The following ECPAS variants were observed in gnomAD, a reference collection of about 807,000 sequenced individuals.
ECPAS encodes the protein proteasome adapter and scaffold protein ECM29.
ECPAS carries 70 observed loss-of-function variants against 255.1 expected under a neutral mutation model. The observed-to-expected ratio is 0.27, with a 90% CI of 0.23 to 0.33. The LOEUF is 0.33. ECPAS is among the 10% of genes least tolerant of loss of function. The pLI is 1.00. For missense variants in ECPAS, 1,817 were observed against 2,206.4 expected, an observed-to-expected ratio of 0.82 and a Z score of 3.54; for synonymous variants, 784 against 775.0, an observed-to-expected ratio of 1.01 and a Z score of -0.19.
chr9:111,424,296 A>G (rs1415545204), intron 12 of ECPAS, among the ~76,000 whole-genome samples: 1 of 152,236 alleles, frequency 6.6e-6, no homozygotes, highest in Non-Finnish European at 1.5e-5. Flanking sequence ...AGATTAACTC[A>G]TTCAATCTTC....
intron 7 of ECPAS, among the ~76,000 whole-genome samples, chr9:111,433,600 C>G (rs1389600314): frequency 2.6e-5 from 4 of 152,062 alleles, no homozygotes; most frequent in African/African-American, 9.7e-5. Flanking sequence ...CATTTTTTAG[C>G]TAAAAATACC....
intron 13 of ECPAS, 86 bp from the exon 14 acceptor site, chr9:111,422,286 C>G: frequency 7.3e-7 from 1 of 1,363,696 alleles, no homozygotes; most frequent in Non-Finnish European, 1.0e-6. Flanking sequence ...ACAAATTTTC[C>G]TGAACTCTCT....
chr9:111,457,268 C>A (rs1589223264), intron 2 of ECPAS, among the ~76,000 whole-genome samples: 2 of 152,136 alleles, frequency 1.3e-5, no homozygotes, highest in African/African-American at 4.8e-5. Flanking sequence ...TCTTTAGAAA[C>A]TTTTAGTTAT....
intron 36 of ECPAS, among the ~76,000 whole-genome samples, chr9:111,378,305 G>T (rs368728315): frequency 1.3e-4 from 20 of 152,272 alleles, no homozygotes; most frequent in African/African-American, 4.8e-4. Flanking sequence ...GACTCTGAAG[G>T]TATAGATCCA....
intron 1 of ECPAS, among the ~76,000 whole-genome samples, chr9:111,480,429 C>A (rs2098303045): frequency 6.6e-6 from 1 of 151,378 alleles, no homozygotes; most frequent in East Asian, 1.9e-4. Context: ...TCCTGAGTAC[C>A]TGGGACTACA....
rs1056220581 is a variant in ECPAS at position 111,361,993 on chromosome 9, A to T, written c.*37T>A. ...AAGAACACCACCACTTCAACCCCCAATGAACATGGCACTTGTTTGTTTCTT... is the reference window on the plus strand; with the variant it reads ...AAGAACACCACCACTTCAACCCCCATTGAACATGGCACTTGTTTGTTTCTT... On this transcript the variant is annotated 3_prime_UTR_variant, in exon 50 of 50. Coordinates refer to ENST00000684092, the MANE Select transcript of ECPAS (RefSeq NM_001364929.1). 2 of 1,605,524 alleles carry T rather than the reference A, an allele frequency of 1.2e-6. No homozygotes were observed. Among genetic ancestry groups the T allele is most frequent in the East Asian group, 4.5e-5 (2 of 44,690 alleles).
chr9:111,379,785 T>C (rs1385809531), intron 35 of ECPAS, among the ~76,000 whole-genome samples: 1 of 152,248 alleles, frequency 6.6e-6, no homozygotes, highest in African/African-American at 2.4e-5. Flanking sequence ...TTGCATCTCA[T>C]GAAACCACTT....
At chr9:111,430,387 T>C (rs944175941) in intron 9 of ECPAS, among the ~76,000 whole-genome samples, 160 bp downstream of exon 9, 8 of 152,370 alleles carry the variant, frequency 5.3e-5, no homozygotes, top group African/African-American at 1.9e-4. Context: ...TAAACTAAAT[T>C]ACCAGGTTTT....
chr9:111,483,625 C>T (rs965109677), intron 1 of ECPAS: 2 of 256,822 alleles, frequency 7.8e-6, no homozygotes, highest in Admixed American at 1.3e-4. Context: ...GCGGCAGGGG[C>T]CGCGAGCCGC....
intron 1 of ECPAS, chr9:111,483,881 C>T: frequency 1.9e-6 from 1 of 534,862 alleles, no homozygotes. Flanking sequence ...CAACTCACGC[C>T]GGTTTTATAT....
intron 12 of ECPAS, 35 bp from the exon 13 acceptor site, chr9:111,423,283 GAACAA>G: frequency 5.5e-6 from 8 of 1,456,864 alleles, no homozygotes; most frequent in Non-Finnish European, 7.5e-6. Flanking sequence ...AGAAAAGAAA[GAACAA>G]AAAACAGACA....
At chr9:111,479,468 C>A (rs1416360701) in intron 1 of ECPAS, among the ~76,000 whole-genome samples, 2 of 151,910 alleles carry the variant, frequency 1.3e-5, no homozygotes, top group East Asian at 3.9e-4. Flanking sequence ...TGGCGCACAC[C>A]TGTAATCCCA....
At chr9:111,362,812 C>T (rs570421658) in intron 49 of ECPAS, among the ~76,000 whole-genome samples, 2 of 152,030 alleles carry the variant, frequency 1.3e-5, no homozygotes, top group Non-Finnish European at 2.9e-5. Flanking sequence ...ACTGAGAATT[C>T]GGTAATACGA....
At chr9:111,453,458 A>G (rs936870353) in intron 2 of ECPAS, among the ~76,000 whole-genome samples, 8 of 152,214 alleles carry the variant, frequency 5.3e-5, no homozygotes, top group African/African-American at 1.9e-4. Context: ...TTTTTCTTAT[A>G]GGAAGAATTC....
In ECPAS at chr9:111,414,604, C is replaced by T; in HGVS notation, c.1812G>A (p.Val604=). The T allele has an allele frequency of 6.2e-7, 1 of 1,613,924 alleles. No homozygotes were observed. The highest frequency in any genetic ancestry group is 2.2e-5 in the East Asian group (1 of 44,882). ...TATCAGCCAAACTCTGAGAGGTGGG[C>T]ACCACCCCCGCACTGTGCGCAAGGC... ...RMCLAHSAGV[V]PTSQSLADMQ... The change falls in exon 19 of 50, where the codon GTG becomes GTA. Residue 604 remains valine (V), a synonymous_variant. Coordinates refer to ENST00000684092, the MANE Select transcript of ECPAS (RefSeq NM_001364929.1).
chr9:111,380,952 T>G (rs1039395484), intron 35 of ECPAS, among the ~76,000 whole-genome samples: 3 of 152,254 alleles, frequency 2.0e-5, no homozygotes, highest in Non-Finnish European at 2.9e-5. Context: ...TGTGGCTGAT[T>G]TGATCTTCTA....
chr9:111,412,229 AACGTTCAATC>A, intron 20 of ECPAS, 81 bp from the exon 21 acceptor site: 2 of 1,244,866 alleles, frequency 1.6e-6, no homozygotes, highest in Non-Finnish European at 2.1e-6. Context: ...AAATTAAAAG[AACGTTCAATC>A]TGTTGATGGA....
chr9:111,434,788 G>T (rs1263197785), intron 7 of ECPAS, among the ~76,000 whole-genome samples: 1 of 151,322 alleles, frequency 6.6e-6, no homozygotes, highest in Non-Finnish European at 1.5e-5. Context: ...AGTAGAGATG[G>T]GGTTTTGCCA....
At position 111,413,931 on chromosome 9, in the gene ECPAS, C is replaced by T; in HGVS notation, c.2043G>A (p.Leu681=). The T allele has an allele frequency of 6.3e-7, 1 of 1,588,440 alleles. No homozygotes were observed. Among genetic ancestry groups the T allele is most frequent in the Non-Finnish European group, 8.6e-7 (1 of 1,166,032 alleles). Residue 681 remains leucine (L), a synonymous_variant, in exon 20 of 50, where the codon CTG becomes CTA. Transcript: ENST00000684092. ...LEAVSVYPEK[L]ATKFVDKTEW... ...CTGTTTTGTCTACAAATTTGGTAGC[C>T]AGCTTTTCTGGATACACTGACACAG...
Sources: gnomAD v4.1 joint callset for allele counts (sites outside exome capture counted in the v4.1 genomes callset) on GRCh38, gnomAD v4.1.1 for gene constraint, MANE v1.5 for transcripts, NCBI Gene and HGNC (gene_info 2026-07-23, HGNC 2026-07-21) for gene names.